The following ISY1 variants were observed in gnomAD, a reference collection of about 807,000 sequenced individuals.
ISY1 encodes the protein pre-mRNA-splicing factor ISY1 homolog.
Under a neutral mutation model 54.4 loss-of-function variants are expected in ISY1, and 12 were observed. That is an observed-to-expected ratio of 0.22 (90% CI 0.14 to 0.36). ISY1 has a LOEUF of 0.36. ISY1 is among the 10% of genes least tolerant of loss of function. ISY1 has a pLI of 1.00. For synonymous variants in ISY1, 96 were observed against 117.9 expected, an observed-to-expected ratio of 0.81 and a Z score of 1.20; for missense variants, 282 against 342.2, an observed-to-expected ratio of 0.82 and a Z score of 1.39.
rs542696890 is a variant in ISY1, at chr3:129,140,695, T to C, written c.301-210A>G. 3.6e-3 allele frequency among the ~76,000 whole-genome samples: 547 copies of C among 152,122 alleles called. 3 individuals are homozygous for C. The highest frequency in any genetic ancestry group is 0.013 in the African/African-American group (534 of 41,530). ...AAGTGATTCTCCTGCCTCAGCCTCC[T>C]GAGTAGCTGGGATTACAGGTGCGTG... is the stretch of plus-strand genomic sequence containing the variant. On this transcript the variant is annotated intron_variant, in intron 6 of 10. Transcript: ENST00000393295.
chr3:129,130,213 T>G, intron 10 of ISY1, 25 bp from the exon 11 acceptor site: 1 of 1,578,930 alleles, frequency 6.3e-7, no homozygotes, highest in South Asian at 1.2e-5. Context: ...AGTGCAGGGC[T>G]CACTCCTCAG....
In ISY1 at chr3:129,161,007, G is replaced by T; in HGVS notation, c.-32C>A. ...GCTAAGGGCGCCGTCCTGGAGCCCC[G>T]CGGCCCCTGTCCAAGAAACTCCACA... On this transcript the variant is annotated 5_prime_UTR_variant, in exon 1 of 11. Transcript: ENST00000393295. 1 of 1,466,984 alleles carries T rather than the reference G, an allele frequency of 6.8e-7. No individual in the cohort carries two copies. The highest frequency in any genetic ancestry group is 9.1e-7 in the Non-Finnish European group (1 of 1,094,132). The allele number at this position is 1,466,984 out of a possible 1,614,324, so 90.9% of individuals were successfully genotyped here. A position where few individuals can be genotyped will look rare whatever the true frequency, so the allele number is the denominator to read the frequency against.
chr3:129,158,601 C>T, intron 2 of ISY1, 42 bp from the exon 3 acceptor site: 1 of 1,613,130 alleles, frequency 6.2e-7, no homozygotes, highest in South Asian at 1.1e-5. Context: ...TTAGATCCTG[C>T]TCATACAGAC....
Position 129,129,795 on chromosome 3 carries a change from A to G in ISY1, c.*286T>C. ...CCACTAATTGATTCTTCTCCCCTCA[A>G]AATGGCAGTGCAAGTCAAAATAAGA... On this transcript the variant is annotated 3_prime_UTR_variant, in exon 11 of 11. Transcript: ENST00000393295. 1 of 310,160 alleles carries G rather than the reference A, an allele frequency of 3.2e-6. No individual in the cohort carries two copies. The highest frequency in any genetic ancestry group is 5.9e-6 in the Non-Finnish European group (1 of 170,542). The allele number at this position is 310,160 out of a possible 1,614,324, so 19.2% of individuals were successfully genotyped here. A position where few individuals can be genotyped will look rare whatever the true frequency, so the allele number is the denominator to read the frequency against.
At chr3:129,159,864 C>G (rs186295629) in intron 1 of ISY1, among the ~76,000 whole-genome samples, 1 of 152,162 alleles carries the variant, frequency 6.6e-6, no homozygotes, top group African/African-American at 2.4e-5. Flanking sequence ...GACAAATACA[C>G]CAGGCATGCA....
chr3:129,150,394 T>C (rs1936929537), intron 5 of ISY1, among the ~76,000 whole-genome samples: 2 of 152,182 alleles, frequency 1.3e-5, no homozygotes, highest in Non-Finnish European at 2.9e-5. Flanking sequence ...AGCATACAGA[T>C]CCTGACTGTA....
At chr3:129,149,641 A>AT (rs1400467744) in intron 5 of ISY1, among the ~76,000 whole-genome samples, 1 of 123,230 alleles carries the variant, frequency 8.1e-6, no homozygotes, top group African/African-American at 2.8e-5. Context: ...ATATATACAC[A>AT]AAAAAAATCA....
chr3:129,151,549 AACC>A (rs1936970282), intron 5 of ISY1, among the ~76,000 whole-genome samples: 1 of 151,920 alleles, frequency 6.6e-6, no homozygotes, highest in African/African-American at 2.4e-5. Flanking sequence ...GAATCGCTTG[AACC>A]CAGGGGACAG....
At chr3:129,155,640 A>G (rs987614446) in intron 5 of ISY1, among the ~76,000 whole-genome samples, 1 of 151,438 alleles carries the variant, frequency 6.6e-6, no homozygotes, top group Non-Finnish European at 1.5e-5. Flanking sequence ...ATTTACAAAT[A>G]TGTTGTTTAA....
At chr3:129,147,744 G>A (rs1159671882) in intron 5 of ISY1, among the ~76,000 whole-genome samples, 1 of 151,676 alleles carries the variant, frequency 6.6e-6, no homozygotes, top group South Asian at 2.1e-4. Context: ...AAGTTCCATC[G>A]CCCCAAAACA....
chr3:129,130,595 G>A lies in ISY1; in HGVS notation c.705C>T (p.Ser235=). The A allele has an allele frequency of 1.2e-6, 2 of 1,614,134 alleles. No individual in the cohort carries two copies. Among genetic ancestry groups the A allele is most frequent in the South Asian group, 2.2e-5 (2 of 91,082 alleles). Residue 235 remains serine, a synonymous_variant, in exon 10 of 11, where the codon AGC becomes AGT. Coordinates refer to ENST00000393295, the MANE Select transcript of ISY1 (RefSeq NM_020701.4). ...EGSQEKGGDD[S]QQKFIAHVPV... is the part of the protein sequence containing the mutation. ...GGACGTGAGCAATGAACTTCTGCTG[G>A]CTGTCGTCCCCTCCTTTCTCCTGGC...
intron 9 of ISY1, among the ~76,000 whole-genome samples, chr3:129,132,976 G>A (rs1029518658): frequency 6.6e-6 from 1 of 152,132 alleles, no homozygotes; most frequent in Non-Finnish European, 1.5e-5. Context: ...TGTGGAACCT[G>A]AGCCATCATC....
chr3:129,150,577 G>A (rs1458386788), intron 5 of ISY1, among the ~76,000 whole-genome samples: 3 of 152,144 alleles, frequency 2.0e-5, no homozygotes, highest in Admixed American at 2.0e-4. Context: ...GCCAGACGTG[G>A]TGGTGGGCGC....
rs755710993 is a variant in ISY1, at chr3:129,134,958, T to C, written c.419-4A>G. ...GTCTTTCTGGGAGGAGGAAGAGCTA[T>C]AAGAAACAGAAATGGAGCTGAGTTT... On this transcript the variant is annotated splice_polypyrimidine_tract_variant and splice_region_variant and intron_variant, in intron 7 of 10. Transcript: ENST00000393295. 5.4e-5 allele frequency: 86 copies of C among 1,599,790 alleles called. 1 individual carries two copies. The Admixed American group carries it at 5.9e-4, about 11-fold the overall frequency.
intron 5 of ISY1, among the ~76,000 whole-genome samples, chr3:129,155,947 C>T (rs1447940001): frequency 6.6e-6 from 1 of 151,736 alleles, no homozygotes; most frequent in Non-Finnish European, 1.5e-5. Context: ...TCTCAAACCC[C>T]AGACCTTAGG....
In ISY1 at chr3:129,148,146, T is replaced by C. The variant is rs757626775; in HGVS notation, c.188-2273A>G. ...GCCTAGCCTATATGTTTGTTTTTAC[T>C]ACTGAGTATTATTTTATTTTATAGA... On this transcript the variant is annotated intron_variant, in intron 5 of 10. Transcript: ENST00000393295. Among the ~76,000 whole-genome samples, 14 of 152,282 alleles carry C rather than the reference T, an allele frequency of 9.2e-5. 1 individual carries two copies. The East Asian group carries it at 2.5e-3, about 27-fold the overall frequency.
chr3:129,137,686 G>A (rs1254700833), intron 7 of ISY1, among the ~76,000 whole-genome samples: 4 of 151,924 alleles, frequency 2.6e-5, no homozygotes, highest in African/African-American at 7.3e-5. Context: ...CGAGGCGGGC[G>A]GATCACGAGG....
rs374376460 is a variant in ISY1 at position 129,145,877 on chromosome 3, G to A, written c.188-4C>T. 3.2e-5 allele frequency: 51 copies of A among 1,613,014 alleles called. No individual in the cohort carries two copies. Among genetic ancestry groups the A allele is most frequent in the Non-Finnish European group, 3.9e-5 (46 of 1,179,730 alleles). On this transcript the variant is annotated splice_region_variant and splice_polypyrimidine_tract_variant and intron_variant, in intron 5 of 10. Coordinates refer to ENST00000393295, the MANE Select transcript of ISY1 (RefSeq NM_020701.4). ...ATTCGAAATTCACCTAAACCAGCTA[G>A]AAAACAAAAAGGTTAACAATATCAT...
chr3:129,145,686 T>A, intron 6 of ISY1, 75 bp downstream of exon 6: 1 of 1,433,088 alleles, frequency 7.0e-7, no homozygotes, highest in South Asian at 1.2e-5. Flanking sequence ...GCGACTACTA[T>A]GGCAAGAATG....
Sources: allele counts gnomAD v4.1 joint callset (sites outside exome capture counted in the v4.1 genomes callset), GRCh38; gene constraint gnomAD v4.1.1; transcripts MANE v1.5; gene names NCBI Gene and HGNC (gene_info 2026-07-23, HGNC 2026-07-21).